The following EPHA6 variants were observed in gnomAD, a reference collection of about 807,000 sequenced individuals.
The protein encoded by EPHA6 is ephrin type-A receptor 6.
A neutral mutation model predicts 112.0 loss-of-function variants in EPHA6; 50 were observed. The ratio of observed to expected loss-of-function variants is 0.45; its 90% confidence interval spans 0.36 to 0.56. The LOEUF (loss-of-function observed/expected upper bound fraction) is 0.56, where lower values mean the gene tolerates loss of function less well. EPHA6 is among the 20% of genes least tolerant of loss of function. The pLI, the probability that EPHA6 is intolerant of heterozygous loss-of-function variation, is 0.00. For missense variants in EPHA6, 1,280 were observed against 1,417.4 expected, an observed-to-expected ratio of 0.90 and a Z score of 1.56; for synonymous variants, 529 against 490.7, an observed-to-expected ratio of 1.08 and a Z score of -1.03.
chr3:97,719,261 T>C (rs1426505400), intron 14 of EPHA6, among the ~76,000 whole-genome samples: 1 of 152,126 alleles, frequency 6.6e-6, no homozygotes, highest in African/African-American at 2.4e-5. Context: ...TATGTGATCA[T>C]GATCATGGAC....
At chr3:97,508,756 G>T (rs1442173336) in intron 10 of EPHA6, among the ~76,000 whole-genome samples, 3 of 151,996 alleles carry the variant, frequency 2.0e-5, no homozygotes, top group Non-Finnish European at 4.4e-5. Context: ...TGACAGTGGG[G>T]TGTTAAATCT....
chr3:96,862,660 A>G (rs946938874), intron 1 of EPHA6, among the ~76,000 whole-genome samples: 3 of 152,022 alleles, frequency 2.0e-5, no homozygotes, highest in African/African-American at 7.2e-5. Flanking sequence ...AATAAAGATG[A>G]TCTTCTATTA....
chr3:96,976,695 G>A lies in EPHA6; in HGVS notation c.451-10635G>A, dbSNP rs188716601. On this transcript the variant is annotated intron_variant, in intron 2 of 17. Transcript: ENST00000389672. ...GCTAGAGCTTTAGATGGTCTTGCCCGTTCACTCCTCTGGCTACATTACCCT... is the reference window on the plus strand; with the variant it reads ...GCTAGAGCTTTAGATGGTCTTGCCCATTCACTCCTCTGGCTACATTACCCT... Among the ~76,000 whole-genome samples the A allele has an allele frequency of 9.2e-5, 14 of 152,190 alleles. No individual in the cohort carries two copies. In the East Asian group the frequency reaches 2.1e-3, roughly 23 times the overall value.
At chr3:97,160,195 G>A (rs948462778) in intron 3 of EPHA6, among the ~76,000 whole-genome samples, 3 of 152,114 alleles carry the variant, frequency 2.0e-5, no homozygotes, top group Admixed American at 6.6e-5. Context: ...CTACAGAACA[G>A]GTCATCCTAT....
chr3:97,239,748 G>C (rs2078787134), intron 4 of EPHA6, among the ~76,000 whole-genome samples: 2 of 151,730 alleles, frequency 1.3e-5, no homozygotes, highest in African/African-American at 4.8e-5. Context: ...AGTGGAGGAG[G>C]TGAAAGGGGA....
At chr3:97,262,346 A>G (rs762437065) in intron 5 of EPHA6, among the ~76,000 whole-genome samples, 1 of 151,892 alleles carries the variant, frequency 6.6e-6, no homozygotes, top group Admixed American at 6.6e-5. Flanking sequence ...TTTGATCTTG[A>G]TCTTGAAATA....
At chr3:97,720,111 A>G in intron 14 of EPHA6, 150 bp from the exon 15 acceptor site, 1 of 586,420 alleles carries the variant, frequency 1.7e-6, no homozygotes, top group Non-Finnish European at 2.6e-6. Flanking sequence ...ACATTTTAAC[A>G]TTATTCTGGC....
chr3:97,429,596 T>C (rs1446897475), intron 6 of EPHA6, among the ~76,000 whole-genome samples: 5 of 152,132 alleles, frequency 3.3e-5, no homozygotes, highest in Non-Finnish European at 7.3e-5. Context: ...AGAAAGATGT[T>C]TCTTTTCACC....
chr3:97,397,410 G>A (rs955988028), intron 5 of EPHA6, among the ~76,000 whole-genome samples: 1 of 151,524 alleles, frequency 6.6e-6, no homozygotes, highest in Non-Finnish European at 1.5e-5. Flanking sequence ...TATTAAGAAA[G>A]AAATCATTAA....
chr3:96,892,810 T>C (rs1350448311), intron 2 of EPHA6, among the ~76,000 whole-genome samples: 4 of 152,180 alleles, frequency 2.6e-5, no homozygotes, highest in African/African-American at 9.7e-5. Context: ...AACAAGTCTT[T>C]CATAATTTTT....
chr3:97,761,045 T>A lies in EPHA6; in HGVS notation c.*12344T>A. 2 of 208,580 alleles carry A rather than the reference T, an allele frequency of 9.6e-6. No homozygotes were observed. Among genetic ancestry groups the A allele is most frequent in the Non-Finnish European group, 2.0e-5 (2 of 102,382 alleles). The allele number at this position is 208,580 out of a possible 1,614,324, so 12.9% of individuals were successfully genotyped here. On this transcript the variant is annotated 3_prime_UTR_variant, in exon 18 of 18. Transcript: ENST00000389672. ...ACTCAGGTTCCTGACACAGCCTACA[T>A]TCTCTTTTCTGGTTATAATCACAAT...
At chr3:97,601,189 T>A (rs555798322) in intron 12 of EPHA6, among the ~76,000 whole-genome samples, 2 of 152,152 alleles carry the variant, frequency 1.3e-5, no homozygotes, top group Admixed American at 6.6e-5. Context: ...AAAGAAACTA[T>A]CAGCACTTTC....
chr3:97,595,339 C>T (rs775387506), intron 12 of EPHA6, among the ~76,000 whole-genome samples: 27 of 152,008 alleles, frequency 1.8e-4, no homozygotes, highest in Non-Finnish European at 3.5e-4. Flanking sequence ...TAGTAGTCAC[C>T]GATACAGGAA....
At chr3:97,315,142 T>C (rs953446794) in intron 5 of EPHA6, among the ~76,000 whole-genome samples, 16 of 151,656 alleles carry the variant, frequency 1.1e-4, no homozygotes, top group Non-Finnish European at 2.1e-4. Flanking sequence ...TCCAATGATC[T>C]TTTACTAGTG....
intron 4 of EPHA6, among the ~76,000 whole-genome samples, chr3:97,232,815 C>T (rs973741376): frequency 2.0e-5 from 3 of 152,122 alleles, no homozygotes; most frequent in African/African-American, 7.2e-5. Context: ...TGTTTCTTCT[C>T]TCCTGATTCT....
At chr3:97,061,702 A>T (rs1263143131) in intron 3 of EPHA6, among the ~76,000 whole-genome samples, 1 of 152,206 alleles carries the variant, frequency 6.6e-6, no homozygotes, top group Non-Finnish European at 1.5e-5. Flanking sequence ...AAAGTCACTT[A>T]AACAATGATG....
intron 3 of EPHA6, chr3:97,009,998 TG>T: frequency 2.2e-6 from 2 of 911,426 alleles, no homozygotes; most frequent in Non-Finnish European, 3.1e-6. Context: ...TTTTTTTTTT[TG>T]ATAGGAGCCT....
chr3:97,091,221 T>C (rs1559721924), intron 3 of EPHA6, among the ~76,000 whole-genome samples: 1 of 152,136 alleles, frequency 6.6e-6, no homozygotes, highest in East Asian at 1.9e-4. Context: ...ATGTTCTCTA[T>C]ATGATATGGA....
chr3:97,498,027 C>A (rs1229503856), intron 10 of EPHA6, among the ~76,000 whole-genome samples: 5 of 151,700 alleles, frequency 3.3e-5, no homozygotes, highest in Admixed American at 1.3e-4. Context: ...AACAAACAAA[C>A]AAAAAAACAC....
Sources: allele counts gnomAD v4.1 joint callset (sites outside exome capture counted in the v4.1 genomes callset), GRCh38; gene constraint gnomAD v4.1.1; transcripts MANE v1.5; gene names NCBI Gene and HGNC (gene_info 2026-07-23, HGNC 2026-07-21).